HMGCLL1: variants seen among roughly 807,000 people sequenced by gnomAD.
HMGCLL1 encodes the protein 3-hydroxymethyl-3-methylglutaryl-CoA lyase, cytoplasmic.
In HMGCLL1, 36 loss-of-function variants were observed where a neutral mutation model predicts 39.1. That is an observed-to-expected ratio of 0.92 (90% CI 0.71 to 1.22). The LOEUF (loss-of-function observed/expected upper bound fraction) is 1.22. HMGCLL1 is among the 50% of genes most tolerant of loss of function. HMGCLL1 has a pLI of 0.00. For missense variants in HMGCLL1, 451 were observed against 416.5 expected (o/e 1.08, Z -0.72); for synonymous variants, 149 against 144.0 (o/e 1.03, Z -0.25).
chr6:55,546,892 G>T (rs1770008936), intron 1 of HMGCLL1, among the ~76,000 whole-genome samples: 2 of 152,056 alleles, frequency 1.3e-5, no homozygotes, highest in Non-Finnish European at 2.9e-5. Flanking sequence ...TGTTTCAAAA[G>T]GCTATGTTTT....
intron 3 of HMGCLL1, among the ~76,000 whole-genome samples, chr6:55,537,085 C>A (rs991651654): frequency 6.6e-6 from 1 of 152,064 alleles, no homozygotes; most frequent in Non-Finnish European, 1.5e-5. Flanking sequence ...TTAGACAAGT[C>A]TGACTTCATA....
intron 7 of HMGCLL1, among the ~76,000 whole-genome samples, chr6:55,484,674 C>T (rs1476376327): frequency 1.3e-5 from 2 of 152,156 alleles, no homozygotes; most frequent in Non-Finnish European, 2.9e-5. Context: ...AGACACTCTA[C>T]ATCTAATTCA....
chr6:55,485,328 T>G (rs1765968058), intron 7 of HMGCLL1, among the ~76,000 whole-genome samples: 1 of 151,712 alleles, frequency 6.6e-6, no homozygotes, highest in Non-Finnish European at 1.5e-5. Context: ...GTTGGGGGGG[T>G]GTTTTTAATC....
At chr6:55,547,682 T>C (rs1402234013) in intron 1 of HMGCLL1, among the ~76,000 whole-genome samples, 1 of 152,048 alleles carries the variant, frequency 6.6e-6, no homozygotes, top group Non-Finnish European at 1.5e-5. Context: ...TGTGACTTTC[T>C]TTCAAAATTA....
chr6:55,439,736 A>G, intron 7 of HMGCLL1, 177 bp from the exon 8 acceptor site: 1 of 488,718 alleles, frequency 2.0e-6, no homozygotes, highest in East Asian at 3.2e-5. Context: ...TTTTATGTCT[A>G]ATCTCGTCTT....
intron 5 of HMGCLL1, among the ~76,000 whole-genome samples, chr6:55,504,823 A>G (rs181708413): frequency 3.2e-4 from 48 of 151,790 alleles, no homozygotes; most frequent in African/African-American, 1.1e-3. Flanking sequence ...CCTTCTGAAT[A>G]CTTGTCTAAG....
At chr6:55,461,480 G>A (rs746137195) in intron 7 of HMGCLL1, among the ~76,000 whole-genome samples, 27 of 151,982 alleles carry the variant, frequency 1.8e-4, no homozygotes, top group Non-Finnish European at 3.4e-4. Context: ...AATATATGAA[G>A]ATGCTGCTAA....
rs554093684 is a variant in HMGCLL1, at chr6:55,459,307, A to C, written c.796-19748T>G. On this transcript the variant is annotated intron_variant, in intron 7 of 8. Transcript: ENST00000274901. ...AATAATTAAAAGGCAGATTATGAGAAGTGTTAATTCAGGCCAACTAGGAAA... is the reference window on the plus strand; with the variant it reads ...AATAATTAAAAGGCAGATTATGAGACGTGTTAATTCAGGCCAACTAGGAAA... Among the ~76,000 whole-genome samples, 45 of 152,232 alleles carry C rather than the reference A, an allele frequency of 3.0e-4. No homozygotes were observed. In the East Asian group the frequency reaches 8.7e-3, roughly 29 times the overall value.
At chr6:55,581,454 A>T (rs1771985203), upstream of HMGCLL1, among the ~76,000 whole-genome samples, 1 of 152,134 alleles carries the variant, frequency 6.6e-6, no homozygotes, top group Admixed American at 6.5e-5. Flanking sequence ...AGGAGTTAAA[A>T]TAGATGTGAT....
At chr6:55,477,911 T>C (rs1001828686) in intron 7 of HMGCLL1, among the ~76,000 whole-genome samples, 3 of 151,148 alleles carry the variant, frequency 2.0e-5, no homozygotes, top group Non-Finnish European at 3.0e-5. Context: ...ACCAGGAATA[T>C]ATTACTTGTA....
At chr6:55,634,590 T>C in the HMGCLL1 span, among the ~76,000 whole-genome samples, 1 of 152,154 alleles carries the variant, frequency 6.6e-6, no homozygotes, top group Non-Finnish European at 1.5e-5. Context: ...GAGATGTCCA[T>C]GATAATGAAT....
intron 3 of HMGCLL1, among the ~76,000 whole-genome samples, chr6:55,530,171 A>G (rs1322741192): frequency 2.0e-5 from 3 of 152,138 alleles, no homozygotes; most frequent in African/African-American, 4.8e-5. Flanking sequence ...ATCCATCTTG[A>G]CTGATAATAG....
chr6:55,448,641 A>C (rs1763958347), intron 7 of HMGCLL1, among the ~76,000 whole-genome samples: 2 of 152,072 alleles, frequency 1.3e-5, no homozygotes, highest in Non-Finnish European at 2.9e-5. Flanking sequence ...TCTGTAGATG[A>C]TTCTTCTCAG....
the HMGCLL1 span, among the ~76,000 whole-genome samples, chr6:55,644,693 G>A: frequency 2.6e-5 from 4 of 151,804 alleles, no homozygotes; most frequent in African/African-American, 9.7e-5. Context: ...CCTTTTTCAA[G>A]TGTGAGTTCA....
chr6:55,578,865 AG>A (rs889796986), intron 1 of HMGCLL1, 82 bp downstream of exon 1: 18 of 962,424 alleles, frequency 1.9e-5, no homozygotes, highest in Middle Eastern at 2.0e-4. Flanking sequence ...TAAAGGGAGG[AG>A]GGCACCAAGA....
At chr6:55,609,906 C>T in the HMGCLL1 span, among the ~76,000 whole-genome samples, 47 of 152,152 alleles carry the variant, frequency 3.1e-4, no homozygotes, top group Non-Finnish European at 5.7e-4. Context: ...ATGAACAGGG[C>T]CCGAAGTGAA....
At chr6:55,593,844 C>T in the HMGCLL1 span, among the ~76,000 whole-genome samples, 1 of 152,062 alleles carries the variant, frequency 6.6e-6, no homozygotes, top group Non-Finnish European at 1.5e-5. Flanking sequence ...TTTTTAATAT[C>T]CCGATTTTGG....
the HMGCLL1 span, among the ~76,000 whole-genome samples, chr6:55,635,506 T>C: frequency 2.0e-5 from 3 of 152,174 alleles, no homozygotes; most frequent in Non-Finnish European, 2.9e-5. Context: ...ATGTATTATA[T>C]TTAATATTCT....
the HMGCLL1 span, among the ~76,000 whole-genome samples, chr6:55,624,842 A>G: frequency 2.6e-5 from 4 of 152,142 alleles, no homozygotes; most frequent in African/African-American, 9.7e-5. Context: ...TAGTGGGCTT[A>G]TTTGGATCTT....
Sources: allele counts gnomAD v4.1 joint callset (sites outside exome capture counted in the v4.1 genomes callset), GRCh38; gene constraint gnomAD v4.1.1; transcripts MANE v1.5; gene names NCBI Gene and HGNC (gene_info 2026-07-23, HGNC 2026-07-21).